Variants in MAGI2 observed in about 807,000 individuals in gnomAD.
The protein encoded by MAGI2 is membrane-associated guanylate kinase, WW and PDZ domain-containing protein 2.
In MAGI2, 35 loss-of-function variants were observed where a neutral mutation model predicts 133.3. That is an observed-to-expected ratio of 0.26 (90% CI 0.20 to 0.35). MAGI2 has a LOEUF of 0.35. MAGI2 is among the 10% of genes least tolerant of loss of function. The pLI is 1.00. For synonymous variants in MAGI2, 729 were observed against 710.6 expected (o/e 1.03, Z -0.41); for missense variants, 1,636 against 1,863.4 (o/e 0.88, Z 2.25).
intron 1 of MAGI2, among the ~76,000 whole-genome samples, chr7:79,375,057 T>C (rs1345984488): frequency 6.6e-6 from 1 of 151,966 alleles, no homozygotes; most frequent in Non-Finnish European, 1.5e-5. Context: ...AACTCACCTC[T>C]CTTTAAATTT....
chr7:78,491,383 C>T (rs1017057208), intron 5 of MAGI2, among the ~76,000 whole-genome samples: 1 of 152,006 alleles, frequency 6.6e-6, no homozygotes, highest in African/African-American at 2.4e-5. Context: ...GACATAACGA[C>T]CCTTGGGTCA....
chr7:79,016,803 T>C (rs986370023), intron 1 of MAGI2, among the ~76,000 whole-genome samples: 10 of 152,214 alleles, frequency 6.6e-5, no homozygotes, highest in Admixed American at 2.6e-4. Context: ...CCTATGCCAA[T>C]ATTGCCACTG....
intron 21 of MAGI2, chr7:78,072,632 A>G: frequency 3.2e-6 from 1 of 317,364 alleles, no homozygotes. Flanking sequence ...TACTCAGCAG[A>G]TAATAGCAAA....
At chr7:78,162,865 C>T (rs372950986) in intron 15 of MAGI2, among the ~76,000 whole-genome samples, 2 of 152,098 alleles carry the variant, frequency 1.3e-5, no homozygotes, top group Admixed American at 6.6e-5. Context: ...GGATTGACCC[C>T]ACATCATTTT....
intron 2 of MAGI2, among the ~76,000 whole-genome samples, chr7:78,818,036 T>C (rs887211529): frequency 6.6e-6 from 1 of 152,186 alleles, no homozygotes; most frequent in Admixed American, 6.5e-5. Context: ...TATCTCTGAG[T>C]TGTGCCTGTA....
chr7:78,598,911 C>T (rs529431686), intron 3 of MAGI2, among the ~76,000 whole-genome samples: 3 of 152,180 alleles, frequency 2.0e-5, no homozygotes, highest in Admixed American at 2.0e-4. Flanking sequence ...TAGTTTCAAA[C>T]ATACTGAGTT....
chr7:78,246,486 C>G (rs542165775), intron 10 of MAGI2, among the ~76,000 whole-genome samples: 2 of 152,192 alleles, frequency 1.3e-5, no homozygotes, highest in South Asian at 2.1e-4. Flanking sequence ...CACCCTGGCC[C>G]GCACGCAAAA....
intron 2 of MAGI2, among the ~76,000 whole-genome samples, chr7:78,903,249 A>G (rs986127924): frequency 2.6e-5 from 3 of 116,476 alleles, no homozygotes; most frequent in Admixed American, 2.7e-4. Flanking sequence ...GCTGGACTGC[A>G]GTGGCGCTGT....
chr7:78,598,066 AAAG>A (rs1457131098), intron 3 of MAGI2, among the ~76,000 whole-genome samples: 2 of 152,190 alleles, frequency 1.3e-5, no homozygotes, highest in Non-Finnish European at 2.9e-5. Context: ...GATGGTCCTC[AAAG>A]AAGAATGGTT....
chr7:79,078,026 A>G (rs1815692299), intron 1 of MAGI2, among the ~76,000 whole-genome samples: 1 of 152,206 alleles, frequency 6.6e-6, no homozygotes, highest in Non-Finnish European at 1.5e-5. Flanking sequence ...GGAAGACTGC[A>G]CCTACTTATA....
chr7:78,675,812 A>C (rs985145154), intron 2 of MAGI2, among the ~76,000 whole-genome samples: 1 of 152,180 alleles, frequency 6.6e-6, no homozygotes, highest in Non-Finnish European at 1.5e-5. Context: ...ATGGAAATGA[A>C]GTTAAATCAG....
At chr7:79,110,526 A>G (rs1021316155) in intron 1 of MAGI2, among the ~76,000 whole-genome samples, 2 of 152,222 alleles carry the variant, frequency 1.3e-5, no homozygotes, top group Non-Finnish European at 2.9e-5. Flanking sequence ...ATGTTTACCC[A>G]ATGCCTGTAC....
Position 79,379,648 on chromosome 7 carries a change from G to A in MAGI2, c.301+73372C>T, listed in dbSNP as rs868324140. 4.2e-4 allele frequency among the ~76,000 whole-genome samples: 64 copies of A among 151,998 alleles called. 1 individual carries two copies. In the Middle Eastern group the frequency reaches 0.027, roughly 65 times the overall value. On this transcript the variant is annotated intron_variant, in intron 1 of 21. Transcript: ENST00000354212. ...GTTGTTTCCTGACTTTTTAATGATTGCCATTCTAACTGGAGTGAGATGGTA... is the reference window on the plus strand; with the variant it reads ...GTTGTTTCCTGACTTTTTAATGATTACCATTCTAACTGGAGTGAGATGGTA...
Position 79,391,536 on chromosome 7 carries a change from TAG to T in MAGI2, c.301+61482_301+61483del, listed in dbSNP as rs1554469518. On this transcript the variant is annotated intron_variant, in intron 1 of 21. Transcript: ENST00000354212. ...ATATATATATATATATATATATATA[TAG>T]ACATATATATATATATATATATATA... is the stretch of plus-strand genomic sequence containing the variant. 0.014 allele frequency among the ~76,000 whole-genome samples: 738 copies of T among 54,054 alleles called. 18 individuals carry two copies. The East Asian group carries it at 0.15, about 11-fold the overall frequency. The allele number at this position is 54,054 out of a possible 152,430, so 35.5% of individuals were successfully genotyped here. A position where few individuals can be genotyped will look rare whatever the true frequency, so the allele number is the denominator to read the frequency against.
At chr7:78,893,232 A>T (rs1390609508) in intron 2 of MAGI2, among the ~76,000 whole-genome samples, 2 of 152,146 alleles carry the variant, frequency 1.3e-5, no homozygotes, top group Non-Finnish European at 2.9e-5. Context: ...AGGAAACAAC[A>T]GGTGCTGGAG....
intron 9 of MAGI2, among the ~76,000 whole-genome samples, chr7:78,340,910 CCTCTCTCACCA>C (rs1662962054): frequency 6.6e-6 from 1 of 152,058 alleles, no homozygotes; most frequent in Non-Finnish European, 1.5e-5. Context: ...ACAAGGATAC[CCTCTCTCACCA>C]CTCCTATTCA....
chr7:78,903,245 C>G (rs528935156), intron 2 of MAGI2, among the ~76,000 whole-genome samples: 1,296 of 118,768 alleles, frequency 0.011, 13 homozygotes, highest in African/African-American at 0.028. Flanking sequence ...CCAGGCTGGA[C>G]TGCAGTGGCG....
intron 3 of MAGI2, among the ~76,000 whole-genome samples, chr7:78,609,970 C>T (rs762154714): frequency 6.6e-6 from 1 of 152,018 alleles, no homozygotes; most frequent in Non-Finnish European, 1.5e-5. Flanking sequence ...CAGCATTCCT[C>T]CCTCTGGAAC....
intron 1 of MAGI2, among the ~76,000 whole-genome samples, chr7:79,306,970 C>A (rs1410681347): frequency 1.3e-5 from 2 of 152,130 alleles, no homozygotes; most frequent in Admixed American, 1.3e-4. Context: ...ACCGCCACCA[C>A]ACCCGGCTAA....
Sources: allele counts gnomAD v4.1 joint callset (sites outside exome capture counted in the v4.1 genomes callset), GRCh38; gene constraint gnomAD v4.1.1; transcripts MANE v1.5; gene names NCBI Gene and HGNC (gene_info 2026-07-23, HGNC 2026-07-21).